Variants in PCP4 observed in about 807,000 individuals in gnomAD.
PCP4 encodes the protein calmodulin regulator protein PCP4.
A neutral mutation model predicts 10.0 loss-of-function variants in PCP4; 8 were observed. The ratio of observed to expected loss-of-function variants is 0.80; its 90% confidence interval spans 0.47 to 1.45. PCP4 has a LOEUF of 1.45. PCP4 is among the 40% of genes most tolerant of loss of function. The pLI is 0.00. For synonymous variants in PCP4, 21 were observed against 23.0 expected, an observed-to-expected ratio of 0.91 and a Z score of 0.24; for missense variants, 54 against 74.4, an observed-to-expected ratio of 0.73 and a Z score of 1.01.
At chr21:39,882,425 C>G (rs887606882) in intron 1 of PCP4, among the ~76,000 whole-genome samples, 30 of 152,244 alleles carry the variant, frequency 2.0e-4, no homozygotes, top group Admixed American at 1.8e-3. Context: ...CTGAGTACAC[C>G]CGGCATGGCA....
chr21:39,899,094 A>G (rs1315959514), intron 2 of PCP4, among the ~76,000 whole-genome samples: 1 of 152,134 alleles, frequency 6.6e-6, no homozygotes, highest in African/African-American at 2.4e-5. Context: ...TGTAGGAATG[A>G]TCATCATATT....
At chr21:39,890,451 G>A (rs1298517307) in intron 1 of PCP4, among the ~76,000 whole-genome samples, 1 of 152,148 alleles carries the variant, frequency 6.6e-6, no homozygotes, top group East Asian at 1.9e-4. Context: ...TGCCTCCCAG[G>A]TTCAAGCGAT....
intron 1 of PCP4, among the ~76,000 whole-genome samples, chr21:39,876,916 A>G (rs189986264): frequency 5.9e-5 from 9 of 152,234 alleles, no homozygotes; most frequent in Non-Finnish European, 1.3e-4. Flanking sequence ...AGGACGGTTG[A>G]CCTTGAGAAA....
intron 2 of PCP4, among the ~76,000 whole-genome samples, chr21:39,904,148 A>G (rs1179243590): frequency 1.3e-5 from 2 of 152,208 alleles, no homozygotes; most frequent in Admixed American, 1.3e-4. Context: ...AGACAGATGT[A>G]CATGCTACCA....
chr21:39,903,555 T>G (rs2087490907), intron 2 of PCP4, among the ~76,000 whole-genome samples: 1 of 152,176 alleles, frequency 6.6e-6, no homozygotes, highest in Non-Finnish European at 1.5e-5. Flanking sequence ...TGTGGGGATA[T>G]TCTAGGAGTA....
intron 2 of PCP4, among the ~76,000 whole-genome samples, chr21:39,899,892 A>G (rs1348995131): frequency 3.3e-5 from 5 of 152,162 alleles, no homozygotes; most frequent in Non-Finnish European, 5.9e-5. Context: ...AGGGGAGCAT[A>G]GGGCGCTGTG....
At chr21:39,889,204 C>G (rs535956039) in intron 1 of PCP4, among the ~76,000 whole-genome samples, 3 of 151,960 alleles carry the variant, frequency 2.0e-5, no homozygotes, top group African/African-American at 7.3e-5. Context: ...AAAGCTCTTA[C>G]GAATATTTGG....
chr21:39,883,763 T>C (rs1179562668), intron 1 of PCP4: 1 of 152,218 alleles, frequency 6.6e-6, no homozygotes, highest in Non-Finnish European at 1.5e-5. Flanking sequence ...TCCCAGTGTT[T>C]CAACTGTGAG....
At chr21:39,919,980 GGT>G (rs796387471) in intron 2 of PCP4, among the ~76,000 whole-genome samples, 304 of 148,842 alleles carry the variant, frequency 2.0e-3, no homozygotes, top group African/African-American at 6.3e-3. Flanking sequence ...GTGTGTGTGT[GGT>G]GTGTGTGTGG....
intron 1 of PCP4, among the ~76,000 whole-genome samples, chr21:39,888,380 T>C (rs1345904334): frequency 1.3e-5 from 2 of 152,220 alleles, no homozygotes; most frequent in Admixed American, 1.3e-4. Context: ...CCATTTAACA[T>C]CACTCAACAA....
chr21:39,873,550 C>T (rs1328977479), intron 1 of PCP4, among the ~76,000 whole-genome samples: 2 of 152,070 alleles, frequency 1.3e-5, no homozygotes, highest in Non-Finnish European at 2.9e-5. Context: ...CTGAATTGCA[C>T]GTCCATATCC....
chr21:39,920,446 G>A lies in PCP4; in HGVS notation c.62-8538G>A, dbSNP rs533202567. On this transcript the variant is annotated intron_variant, in intron 2 of 2. Transcript: ENST00000328619. ...GTGTGACTGTGTGATGGGAGTGGAT[G>A]TGTCGGTCTGTTGTGTGTGTGTGGC... is the stretch of plus-strand genomic sequence containing the variant. Among the ~76,000 whole-genome samples, 172 of 151,580 alleles carry A rather than the reference G, an allele frequency of 1.1e-3. 1 individual carries two copies. The highest frequency in any genetic ancestry group is 1.8e-3 in the Admixed American group (28 of 15,202).
At chr21:39,872,397 T>C (rs1466652288) in intron 1 of PCP4, among the ~76,000 whole-genome samples, 2 of 152,228 alleles carry the variant, frequency 1.3e-5, no homozygotes, top group Non-Finnish European at 2.9e-5. Flanking sequence ...CTTCTGTTCT[T>C]AGACCACTGG....
chr21:39,891,169 A>T (rs903598063), intron 1 of PCP4, among the ~76,000 whole-genome samples: 1 of 152,112 alleles, frequency 6.6e-6, no homozygotes, highest in Non-Finnish European at 1.5e-5. Flanking sequence ...GTGATTTTGC[A>T]ACTTAGTGAA....
chr21:39,871,219 A>G (rs2087318169), intron 1 of PCP4, among the ~76,000 whole-genome samples: 1 of 152,270 alleles, frequency 6.6e-6, no homozygotes, highest in South Asian at 2.1e-4. Flanking sequence ...TATCATACAT[A>G]CAACAGTGGT....
chr21:39,922,355 G>C (rs886872382), intron 2 of PCP4, among the ~76,000 whole-genome samples: 1 of 152,168 alleles, frequency 6.6e-6, no homozygotes, highest in African/African-American at 2.4e-5. Flanking sequence ...AGGGCTGCCT[G>C]AGCTTTCTCT....
At chr21:39,877,578 T>TC (rs2087352408) in intron 1 of PCP4, among the ~76,000 whole-genome samples, 1 of 151,246 alleles carries the variant, frequency 6.6e-6, no homozygotes, top group Non-Finnish European at 1.5e-5. Flanking sequence ...ATTCCTGTAG[T>TC]CCCAGCTACT....
chr21:39,923,954 G>A (rs924062451), intron 2 of PCP4, among the ~76,000 whole-genome samples: 6 of 152,164 alleles, frequency 3.9e-5, no homozygotes, highest in African/African-American at 1.2e-4. Context: ...GTCGGCAGTG[G>A]GAAGTCTCTC....
intron 1 of PCP4, among the ~76,000 whole-genome samples, chr21:39,871,131 G>A (rs2087317732): frequency 6.6e-6 from 1 of 152,174 alleles, no homozygotes; most frequent in South Asian, 2.1e-4. Flanking sequence ...CAAACGGGAG[G>A]CTACATGCAG....
Sources: gnomAD v4.1 joint callset for allele counts (sites outside exome capture counted in the v4.1 genomes callset) on GRCh38, gnomAD v4.1.1 for gene constraint, MANE v1.5 for transcripts, NCBI Gene and HGNC (gene_info 2026-07-23, HGNC 2026-07-21) for gene names.